Variants in KCNB2 observed in about 807,000 individuals in gnomAD.
KCNB2 encodes the protein delayed rectifier potassium channel protein.
In KCNB2, 15 loss-of-function variants were observed where a neutral mutation model predicts 61.5. The observed-to-expected ratio is 0.24, with a 90% CI of 0.16 to 0.38. The LOEUF is 0.38. Among genes scored for constraint, KCNB2 ranks in the 10% least tolerant of loss-of-function variants. KCNB2 has a pLI of 1.00. For missense variants in KCNB2, 828 were observed against 1,125.2 expected, an observed-to-expected ratio of 0.74 and a Z score of 3.78; for synonymous variants, 457 against 446.0, an observed-to-expected ratio of 1.02 and a Z score of -0.31.
In KCNB2 at chr8:72,599,562, G is replaced by C. The variant is rs964004695; in HGVS notation, c.579+31249G>C. On this transcript the variant is annotated intron_variant, in intron 2 of 2. Transcript: ENST00000523207. ...GGGCAAGGACTTCATGACTAAAACA[G>C]CAAAAGCAATGGCAACAAAAGCCAT... Among the ~76,000 whole-genome samples, 122 of 152,142 alleles carry C rather than the reference G, an allele frequency of 8.0e-4. 1 individual carries two copies. The highest frequency in any genetic ancestry group is 3.4e-3 in the Middle Eastern group (1 of 294).
intron 2 of KCNB2, among the ~76,000 whole-genome samples, chr8:72,857,981 G>A (rs1329071039): frequency 6.6e-6 from 1 of 152,126 alleles, no homozygotes; most frequent in African/African-American, 2.4e-5. Flanking sequence ...AAGAAAAAAG[G>A]GAATTTTACT....
chr8:72,642,927 T>C (rs1247429352), intron 2 of KCNB2, among the ~76,000 whole-genome samples: 2 of 152,150 alleles, frequency 1.3e-5, no homozygotes, highest in African/African-American at 2.4e-5. Flanking sequence ...AAAAGGCACA[T>C]TTTAAAGCTT....
At chr8:72,796,917 A>G (rs1173400158) in intron 2 of KCNB2, among the ~76,000 whole-genome samples, 1 of 152,200 alleles carries the variant, frequency 6.6e-6, no homozygotes, top group Non-Finnish European at 1.5e-5. Context: ...TTATTTTCTG[A>G]TAATTCCTGA....
intron 2 of KCNB2, among the ~76,000 whole-genome samples, chr8:72,590,736 G>A (rs144236736): frequency 6.6e-6 from 1 of 152,264 alleles, no homozygotes; most frequent in East Asian, 1.9e-4. Context: ...CAAGATGAAT[G>A]CATTCTATTG....
intron 2 of KCNB2, among the ~76,000 whole-genome samples, chr8:72,581,208 C>T (rs201870463): frequency 7.9e-5 from 12 of 152,284 alleles, no homozygotes; most frequent in South Asian, 2.1e-4. Context: ...CACACCTGCA[C>T]GTACCTGGCA....
chr8:72,646,111 A>G (rs946161272), intron 2 of KCNB2, among the ~76,000 whole-genome samples: 4 of 152,206 alleles, frequency 2.6e-5, no homozygotes, highest in African/African-American at 7.2e-5. Flanking sequence ...CTATTGTTCT[A>G]TGTATATTCA....
intron 1 of KCNB2, among the ~76,000 whole-genome samples, chr8:72,541,000 G>A (rs1380738031): frequency 3.3e-5 from 5 of 151,244 alleles, no homozygotes; most frequent in African/African-American, 1.2e-4. Flanking sequence ...ATTTTAGGGG[G>A]AAAAAAACTT....
chr8:72,785,000 A>C (rs1808824209), intron 2 of KCNB2, among the ~76,000 whole-genome samples: 1 of 152,202 alleles, frequency 6.6e-6, no homozygotes, highest in Admixed American at 6.5e-5. Context: ...TCCACATTTC[A>C]TTACTAATAA....
intron 1 of KCNB2, among the ~76,000 whole-genome samples, chr8:72,548,091 C>T (rs949122766): frequency 6.6e-6 from 1 of 151,922 alleles, no homozygotes; most frequent in Non-Finnish European, 1.5e-5. Flanking sequence ...CTTTTTTCCC[C>T]AATAGAGCAT....
intron 2 of KCNB2, among the ~76,000 whole-genome samples, chr8:72,886,436 C>G (rs1452411865): frequency 1.3e-5 from 2 of 152,230 alleles, no homozygotes; most frequent in Non-Finnish European, 2.9e-5. Flanking sequence ...TGTGACAGTC[C>G]TCTGGCTCCT....
chr8:72,930,264 G>A (rs937472476), intron 2 of KCNB2, among the ~76,000 whole-genome samples: 3 of 151,726 alleles, frequency 2.0e-5, no homozygotes, highest in Non-Finnish European at 4.4e-5. Flanking sequence ...AAACATACGT[G>A]TGCATGTGTC....
At position 72,537,331 on chromosome 8, in the gene KCNB2, GAC is replaced by G. The variant is rs1187418197; in HGVS notation, c.-641_-640del. ...GCAGCCTCTACCCTGCTCCGCCACA[GAC>G]ACACACCCACCAAGCACCCACCGCC... On this transcript the variant is annotated 5_prime_UTR_variant, in exon 1 of 3. Transcript: ENST00000523207. 2.0e-5 allele frequency: 3 copies of G among 152,014 alleles called. No individual in the cohort carries two copies. The highest frequency in any genetic ancestry group is 7.3e-5 in the African/African-American group (3 of 41,246). The allele number at this position is 152,014 out of a possible 1,614,324, so 9.4% of individuals were successfully genotyped here.
rs73686531 is a variant in KCNB2, at chr8:72,822,257, T to A, written c.580-113678T>A. Among the ~76,000 whole-genome samples, 544 of 152,372 alleles carry A rather than the reference T, an allele frequency of 3.6e-3. 4 individuals are homozygous for A. The highest frequency in any genetic ancestry group is 0.013 in the African/African-American group (525 of 41,594). ...AGATGCTGTAGTGTTTGCTGGTTAATTGTATATTTGCTTTATGTTTCCTCC... is the reference window on the plus strand; with the variant it reads ...AGATGCTGTAGTGTTTGCTGGTTAAATGTATATTTGCTTTATGTTTCCTCC... On this transcript the variant is annotated intron_variant, in intron 2 of 2. Coordinates refer to ENST00000523207, the MANE Select transcript of KCNB2 (RefSeq NM_004770.3).
At chr8:72,818,434 T>A (rs75133069) in intron 2 of KCNB2, among the ~76,000 whole-genome samples, 1 of 152,164 alleles carries the variant, frequency 6.6e-6, no homozygotes, top group Non-Finnish European at 1.5e-5. Context: ...ATTAACTTGA[T>A]CTGTGACCTT....
intron 2 of KCNB2, among the ~76,000 whole-genome samples, chr8:72,853,919 A>G (rs906650555): frequency 6.6e-6 from 1 of 152,186 alleles, no homozygotes; most frequent in African/African-American, 2.4e-5. Flanking sequence ...AAGTAGATAG[A>G]TATTTCCGCA....
intron 2 of KCNB2, among the ~76,000 whole-genome samples, chr8:72,762,095 T>G (rs1808391799): frequency 6.6e-6 from 1 of 152,188 alleles, no homozygotes; most frequent in South Asian, 2.1e-4. Flanking sequence ...TACCTGCCAA[T>G]GAGTTCAATC....
chr8:72,769,456 A>T (rs1448505666), intron 2 of KCNB2, among the ~76,000 whole-genome samples: 2 of 152,182 alleles, frequency 1.3e-5, no homozygotes, highest in Non-Finnish European at 2.9e-5. Context: ...TAATAGAGAT[A>T]TGCACAGACA....
chr8:72,840,378 C>T (rs1031232906), intron 2 of KCNB2, among the ~76,000 whole-genome samples: 1 of 152,140 alleles, frequency 6.6e-6, no homozygotes, highest in Non-Finnish European at 1.5e-5. Context: ...CATACATGTG[C>T]ATGTGTCTTT....
At chr8:72,735,988 A>T (rs760235203) in intron 2 of KCNB2, among the ~76,000 whole-genome samples, 3 of 152,144 alleles carry the variant, frequency 2.0e-5, no homozygotes, top group Non-Finnish European at 2.9e-5. Flanking sequence ...GTATGGAAAC[A>T]ATTTCCATAT....
Sources: gnomAD v4.1 joint callset for allele counts (sites outside exome capture counted in the v4.1 genomes callset) on GRCh38, gnomAD v4.1.1 for gene constraint, MANE v1.5 for transcripts, NCBI Gene and HGNC (gene_info 2026-07-23, HGNC 2026-07-21) for gene names.